The following CRBN variants were observed in gnomAD, a reference collection of about 807,000 sequenced individuals.
CRBN encodes the protein protein cereblon.
CRBN carries 53 observed loss-of-function variants against 62.2 expected under a neutral mutation model. That is an observed-to-expected ratio of 0.85 (90% CI 0.68 to 1.07). The LOEUF is 1.07. CRBN is among the 50% of genes least tolerant of loss of function. The pLI, the probability that CRBN is intolerant of heterozygous loss-of-function variation, is 0.00. For synonymous variants in CRBN, 208 were observed against 176.1 expected (o/e 1.18, Z -1.43); for missense variants, 616 against 531.1 (o/e 1.16, Z -1.57).
Position 3,151,052 on chromosome 3 carries a change from A to G in CRBN, c.1149-7T>C, listed in dbSNP as rs1320033156. 1 of 1,613,750 alleles carries G rather than the reference A, an allele frequency of 6.2e-7. No individual in the cohort carries two copies. The highest frequency in any genetic ancestry group is 1.7e-5 in the Admixed American group (1 of 59,940). On this transcript the variant is annotated splice_polypyrimidine_tract_variant and splice_region_variant and intron_variant, in intron 10 of 10. Coordinates refer to ENST00000231948, the MANE Select transcript of CRBN (RefSeq NM_016302.4). ...GGCAACAGTCCAGGCATACCTAAGA[A>G]ATTAAGGAAAGATATCAGCTAAGGA...
chr3:3,159,781 A>G (rs1287374251), intron 5 of CRBN, among the ~76,000 whole-genome samples: 1 of 152,214 alleles, frequency 6.6e-6, no homozygotes, highest in Non-Finnish European at 1.5e-5. Flanking sequence ...TAGCTTTTAC[A>G]GAGCAACTGC....
chr3:3,149,761 TCAA>T (rs1294819219), downstream of CRBN: 1 of 152,164 alleles, frequency 6.6e-6, no homozygotes, highest in African/African-American at 2.4e-5. Context: ...AGTGTGACAC[TCAA>T]CTGATTTCAC....
At chr3:3,151,330 T>C (rs1706533903) in intron 10 of CRBN, among the ~76,000 whole-genome samples, 1 of 152,238 alleles carries the variant, frequency 6.6e-6, no homozygotes, top group Admixed American at 6.5e-5. Context: ...AATTGCTGGT[T>C]GCCAAGACCA....
intron 9 of CRBN, 124 bp from the exon 10 acceptor site, chr3:3,152,711 G>T: frequency 8.7e-7 from 1 of 1,148,400 alleles, no homozygotes; most frequent in Non-Finnish European, 1.3e-6. Flanking sequence ...TAATCCTTCA[G>T]TTTTATATAA....
In CRBN at chr3:3,151,260, G is replaced by A. The variant is rs116054293; in HGVS notation, c.1149-215C>T. Among the ~76,000 whole-genome samples the A allele has an allele frequency of 4.3e-3, 655 of 152,204 alleles. 3 individuals carry two copies. The highest frequency in any genetic ancestry group is 0.015 in the African/African-American group (622 of 41,538). ...TATGACTTTTATGCTCTTAAGCCATGTTTACATTTTTCTTCTACTGCATAG... is the reference window on the plus strand; with the variant it reads ...TATGACTTTTATGCTCTTAAGCCATATTTACATTTTTCTTCTACTGCATAG... On this transcript the variant is annotated intron_variant, in intron 10 of 10. Coordinates refer to ENST00000231948, the MANE Select transcript of CRBN (RefSeq NM_016302.4).
At chr3:3,165,946 CCA>C (rs1707310360) in intron 5 of CRBN, among the ~76,000 whole-genome samples, 2 of 152,228 alleles carry the variant, frequency 1.3e-5, no homozygotes, top group South Asian at 4.1e-4. Flanking sequence ...TCCTTGGGGG[CCA>C]CATACTGACA....
At position 3,150,928 on chromosome 3, in the gene CRBN, C is replaced by T. The variant is rs1706492983; in HGVS notation, c.1266G>A (p.Leu422=). 6.2e-7 allele frequency: 1 copy of T among 1,613,888 alleles called. No individual in the cohort carries two copies. Among genetic ancestry groups the T allele is most frequent in the Non-Finnish European group, 8.5e-7 (1 of 1,179,966 alleles). Residue 422 remains leucine, a synonymous_variant, in exon 11 of 11, where the codon CTG becomes CTA. Transcript: ENST00000231948. The part of the protein sequence containing the change: ...QKFWGLTRSA[L]LPTIPDTEDE... ...CTTCAGTGTCTGGGATCGTGGGCAACAGAGCAGATCGCGTTAAGCCCCAAA... is the reference window on the plus strand; with the variant it reads ...CTTCAGTGTCTGGGATCGTGGGCAATAGAGCAGATCGCGTTAAGCCCCAAA...
intron 5 of CRBN, among the ~76,000 whole-genome samples, chr3:3,159,222 A>G (rs141895269): frequency 6.6e-6 from 1 of 152,292 alleles, no homozygotes; most frequent in African/African-American, 2.4e-5. Context: ...GGCTATTTTT[A>G]TACATTTAGG....
intron 5 of CRBN, among the ~76,000 whole-genome samples, chr3:3,164,973 G>A (rs532049077): frequency 6.6e-6 from 1 of 152,300 alleles, no homozygotes; most frequent in East Asian, 1.9e-4. Flanking sequence ...TGATTCATGG[G>A]AGGTGGTGAA....
At chr3:3,153,318 G>C (rs966469786) in intron 9 of CRBN, 106 bp downstream of exon 9, 24 of 715,808 alleles carry the variant, frequency 3.4e-5, no homozygotes, top group African/African-American at 2.7e-4. Flanking sequence ...TTTGCTAAAT[G>C]TTTGTAACTT....
intron 3 of CRBN, among the ~76,000 whole-genome samples, chr3:3,173,351 C>T (rs1328230034): frequency 1.3e-5 from 2 of 152,120 alleles, no homozygotes; most frequent in East Asian, 3.9e-4. Context: ...AGCTACCATG[C>T]CCGGCCAATT....
Position 3,153,960 on chromosome 3 carries a change from T to G in CRBN, c.951A>C (p.Lys317Asn). ...TCAAAAACATATTCACTTTACTCACTTTATTCATAATGTCTAATTCACAGC... is the reference window on the plus strand; with the variant it reads ...TCAAAAACATATTCACTTTACTCACGTTATTCATAATGTCTAATTCACAGC... The part of the protein sequence containing the change: ...RLRCELDIMN[K>N]CTSLCCKQCQ... The change falls in exon 8 of 11, where the codon AAA becomes AAC. Residue 317 changes from lysine (K) to asparagine (N), a missense_variant and splice_region_variant. Lys to Asn is a moderately conservative substitution (Grantham distance 94). Coordinates refer to ENST00000231948, the MANE Select transcript of CRBN (RefSeq NM_016302.4). 2 of 1,580,296 alleles carry G rather than the reference T, an allele frequency of 1.3e-6. No homozygotes were observed. The highest frequency in any genetic ancestry group is 1.7e-6 in the Non-Finnish European group (2 of 1,149,114).
chr3:3,176,905 T>C (rs1020259955), intron 1 of CRBN, among the ~76,000 whole-genome samples: 2 of 152,220 alleles, frequency 1.3e-5, no homozygotes, highest in African/African-American at 2.4e-5. Context: ...ACAATACATA[T>C]GCTATTGTAC....
chr3:3,161,982 T>C (rs776139314), intron 5 of CRBN, among the ~76,000 whole-genome samples: 1 of 152,156 alleles, frequency 6.6e-6, no homozygotes, highest in African/African-American at 2.4e-5. Flanking sequence ...AATAAGAACA[T>C]TTGTATCTAG....
intron 4 of CRBN, among the ~76,000 whole-genome samples, chr3:3,170,191 A>G (rs1707546135): frequency 6.6e-6 from 1 of 152,078 alleles, no homozygotes; most frequent in African/African-American, 2.4e-5. Context: ...ATGTTGGCCA[A>G]GCTGGTCTTG....
At chr3:3,166,570 T>G (rs1051851274) in intron 5 of CRBN, among the ~76,000 whole-genome samples, 1 of 152,170 alleles carries the variant, frequency 6.6e-6, no homozygotes, top group African/African-American at 2.4e-5. Flanking sequence ...CTTAAAGCAG[T>G]CTAATTATAT....
At chr3:3,177,926 G>A (rs994137478) in intron 1 of CRBN, among the ~76,000 whole-genome samples, 5 of 151,352 alleles carry the variant, frequency 3.3e-5, no homozygotes, top group Non-Finnish European at 7.4e-5. Flanking sequence ...TAAAATTTAC[G>A]TAATTTGGAG....
intron 3 of CRBN, 63 bp from the exon 4 acceptor site, chr3:3,172,988 A>C (rs1234766957): frequency 4.0e-6 from 5 of 1,247,170 alleles, no homozygotes; most frequent in Non-Finnish European, 5.9e-6. Context: ...TATGCAAAGT[A>C]GGCAAAGCAA....
At chr3:3,167,870 T>C (rs937251549) in intron 4 of CRBN, 77 bp from the exon 5 acceptor site, 2 of 1,365,650 alleles carry the variant, frequency 1.5e-6, no homozygotes, top group African/African-American at 2.9e-5. Context: ...TAAACAGTGA[T>C]AATTTTAAAT....
Sources: allele counts gnomAD v4.1 joint callset (sites outside exome capture counted in the v4.1 genomes callset), GRCh38; gene constraint gnomAD v4.1.1; transcripts MANE v1.5; gene names NCBI Gene and HGNC (gene_info 2026-07-23, HGNC 2026-07-21).